FBXO11: variants seen among roughly 807,000 people sequenced by gnomAD.
FBXO11 encodes the protein F-box only protein 11.
In FBXO11, 13 loss-of-function variants were observed where a neutral mutation model predicts 117.0. That is an observed-to-expected ratio of 0.11 (90% confidence interval 0.07 to 0.18). The LOEUF is 0.18. Among genes scored for constraint, FBXO11 ranks in the 10% least tolerant of loss-of-function variants. The pLI, the probability that FBXO11 is intolerant of heterozygous loss-of-function variation, is 1.00. For missense variants in FBXO11, 767 were observed against 1,164.4 expected (o/e 0.66, Z 4.97); for synonymous variants, 490 against 380.5 (o/e 1.29, Z -3.35).
intron 14 of FBXO11, 59 bp downstream of exon 14, chr2:47,820,302 AC>A: frequency 2.2e-6 from 3 of 1,344,528 alleles, no homozygotes; most frequent in East Asian, 4.6e-5. Context: ...TTGAGGAGAA[AC>A]CCTTTATCCC....
intron 1 of FBXO11, among the ~76,000 whole-genome samples, chr2:47,882,418 C>T (rs1024666847): frequency 1.3e-5 from 2 of 151,806 alleles, no homozygotes; most frequent in Non-Finnish European, 2.9e-5. Flanking sequence ...CCTTTCAATA[C>T]GTAAGTTTCA....
At chr2:47,810,053 A>G in intron 19 of FBXO11, 1 of 495,494 alleles carries the variant, frequency 2.0e-6, no homozygotes, top group South Asian at 3.2e-5. Context: ...TCCTAGTGGT[A>G]ATACAAGCCT....
intron 1 of FBXO11, 48 bp downstream of exon 1, chr2:47,905,441 C>A: frequency 8.3e-7 from 1 of 1,198,306 alleles, no homozygotes; most frequent in Non-Finnish European, 1.0e-6. Context: ...GGCCTCCCTT[C>A]CCGCGGTGCC....
intron 1 of FBXO11, among the ~76,000 whole-genome samples, chr2:47,877,562 G>C (rs1241482744): frequency 6.6e-6 from 1 of 152,146 alleles, no homozygotes; most frequent in Non-Finnish European, 1.5e-5. Context: ...TTGTTTGGCA[G>C]GTTCATTGTA....
At chr2:47,809,984 C>A (rs778079943) in intron 19 of FBXO11, 40 of 489,690 alleles carry the variant, frequency 8.2e-5, no homozygotes, top group Non-Finnish European at 1.4e-4. Flanking sequence ...TTTAACATCT[C>A]TTTTTCTGTT....
At chr2:47,858,817 G>T (rs544603741) in intron 1 of FBXO11, among the ~76,000 whole-genome samples, 29 of 151,814 alleles carry the variant, frequency 1.9e-4, no homozygotes, top group Admixed American at 1.2e-3. Context: ...GGCCAAGACG[G>T]TTGGATCACG....
rs189521705 is a variant in FBXO11, at chr2:47,854,682, C to T, written c.233-14913G>A. Among the ~76,000 whole-genome samples the T allele has an allele frequency of 3.9e-5, 6 of 152,048 alleles. No homozygotes were observed. The East Asian group carries it at 9.7e-4, about 25-fold the overall frequency. Reference sequence around the variant, plus strand: ...AGTTTGGTTAAAACAGATTGCTGGGCTCCACCTCCGTAATTTCTGATTCAG... The same window carrying T: ...AGTTTGGTTAAAACAGATTGCTGGGTTCCACCTCCGTAATTTCTGATTCAG... On this transcript the variant is annotated intron_variant, in intron 1 of 22. Coordinates refer to ENST00000403359, the MANE Select transcript of FBXO11 (RefSeq NM_001190274.2).
chr2:47,829,567 A>G (rs1672027819), intron 11 of FBXO11, among the ~76,000 whole-genome samples: 2 of 152,172 alleles, frequency 1.3e-5, no homozygotes, highest in South Asian at 2.1e-4. Context: ...CTTATTTTAC[A>G]AAAGTAACAA....
At chr2:47,855,059 A>G (rs1441882354) in intron 1 of FBXO11, among the ~76,000 whole-genome samples, 4 of 152,104 alleles carry the variant, frequency 2.6e-5, no homozygotes, top group African/African-American at 9.7e-5. Context: ...ATAGAACATG[A>G]AATCAGGAAT....
chr2:47,808,629 A>G (rs1364816446), intron 21 of FBXO11: 8 of 493,074 alleles, frequency 1.6e-5, no homozygotes, highest in Non-Finnish European at 2.1e-5. Flanking sequence ...AGGGAAGAGA[A>G]ATGATTTGTA....
At chr2:47,896,379 G>C (rs1306609857) in intron 1 of FBXO11, among the ~76,000 whole-genome samples, 2 of 151,196 alleles carry the variant, frequency 1.3e-5, no homozygotes, top group Admixed American at 6.6e-5. Flanking sequence ...ACCCAGGCTG[G>C]AGTGCAGTGG....
chr2:47,825,712 G>C (rs13432462), intron 11 of FBXO11, among the ~76,000 whole-genome samples: 2 of 151,564 alleles, frequency 1.3e-5, no homozygotes. Flanking sequence ...AAGTAGCTGA[G>C]ACCACGGGTG....
In FBXO11 at chr2:47,905,686, C is replaced by G; in HGVS notation, c.35G>C (p.Arg12Thr). Residue 12 changes from arginine (R) to threonine (T), a missense_variant, in exon 1 of 23, where the codon AGG (arginine) becomes ACG (threonine). Around this residue, in one of 10 missense-constraint regions of FBXO11, gnomAD observed 355 missense variants for 299.8 expected, o/e 1.18. Transcript: ENST00000403359. ...CACCGGGCGCGGCCGCGACACTCGC[C>G]TGGGTCTCCGGTTGGCGGCTCGGAC... ...NSVRAANRRPRRVSRPRPVQQ... is the reference protein window; with the variant it reads ...NSVRAANRRPTRVSRPRPVQQ... The G allele has an allele frequency of 6.6e-7, 1 of 1,517,420 alleles. No homozygotes were observed. The highest frequency in any genetic ancestry group is 8.8e-7 in the Non-Finnish European group (1 of 1,134,748). 94.0% of individuals were successfully genotyped at this position (1,517,420 alleles called of 1,614,324 possible).
Position 47,813,271 on chromosome 2 carries a change from T to G in FBXO11, c.2190A>C (p.Gly730=). ...PTLRRNKIHD[G]RDGGICIFNG... is the part of the protein sequence containing the mutation. ...TAAATATACAGATGCCACCATCTCT[T>G]CCATCATGGATTTTATTTCTTCTTA... Residue 730 remains glycine, a synonymous_variant, in exon 18 of 23, where the codon GGA becomes GGC. Transcript: ENST00000403359. The G allele has an allele frequency of 4.3e-6, 7 of 1,613,518 alleles. No homozygotes were observed. The highest frequency in any genetic ancestry group is 5.9e-6 in the Non-Finnish European group (7 of 1,179,578).
At chr2:47,875,954 AC>A (rs1175200256) in intron 1 of FBXO11, among the ~76,000 whole-genome samples, 1 of 152,244 alleles carries the variant, frequency 6.6e-6, no homozygotes, top group East Asian at 1.9e-4. Context: ...ATAGAGTAGT[AC>A]TAATCAGTGG....
chr2:47,863,141 C>G (rs1378374597), intron 1 of FBXO11, among the ~76,000 whole-genome samples: 1 of 151,554 alleles, frequency 6.6e-6, no homozygotes, highest in African/African-American at 2.4e-5. Context: ...AAAGTTTTCC[C>G]CTTGCCTTCA....
At chr2:47,864,377 C>G (rs1396774688) in intron 1 of FBXO11, among the ~76,000 whole-genome samples, 1 of 152,176 alleles carries the variant, frequency 6.6e-6, no homozygotes, top group Non-Finnish European at 1.5e-5. Flanking sequence ...CACCTGAGGT[C>G]AGGAGTTCAA....
At chr2:47,810,599 AC>A in intron 18 of FBXO11, 173 bp from the exon 19 acceptor site, 1 of 504,168 alleles carries the variant, frequency 2.0e-6, no homozygotes, top group African/African-American at 2.0e-5. Context: ...TAAGGATCTA[AC>A]AAAATTGCTA....
At chr2:47,902,569 A>C (rs922121989) in intron 1 of FBXO11, among the ~76,000 whole-genome samples, 6 of 152,150 alleles carry the variant, frequency 3.9e-5, no homozygotes, top group Admixed American at 3.3e-4. Context: ...ATATACCCAC[A>C]TACACACACA....
Sources: allele counts gnomAD v4.1 joint callset (sites outside exome capture counted in the v4.1 genomes callset), GRCh38; gene constraint gnomAD v4.1.1; regional missense constraint gnomAD v4.1.1; transcripts MANE v1.5; gene names NCBI Gene and HGNC (gene_info 2026-07-23, HGNC 2026-07-21).